Variants in GPC5 observed in about 807,000 individuals in gnomAD.
The protein encoded by GPC5 is glypican 5, also known as glypican-5.
Under a neutral mutation model 53.9 loss-of-function variants are expected in GPC5, and 47 were observed. The ratio of observed to expected loss-of-function variants is 0.87; its 90% CI spans 0.69 to 1.11. The LOEUF (loss-of-function observed/expected upper bound fraction) is 1.11, where lower values mean the gene tolerates loss of function less well. GPC5 is among the 50% of genes most tolerant of loss of function. GPC5 has a pLI of 0.00. For missense variants in GPC5, 748 were observed against 713.1 expected (o/e 1.05, Z -0.56); for synonymous variants, 286 against 263.3 (o/e 1.09, Z -0.84).
chr13:92,324,459 G>A (rs563840298), intron 7 of GPC5, among the ~76,000 whole-genome samples: 3 of 152,010 alleles, frequency 2.0e-5, no homozygotes, highest in East Asian at 1.9e-4. Flanking sequence ...GGTATAGAAT[G>A]TTTGCTGTAG....
At chr13:91,822,829 C>CTA (rs1248207347) in intron 5 of GPC5, among the ~76,000 whole-genome samples, 1 of 152,070 alleles carries the variant, frequency 6.6e-6, no homozygotes, top group Non-Finnish European at 1.5e-5. Context: ...TGCACTCTAT[C>CTA]AATATCACAT....
intron 7 of GPC5, among the ~76,000 whole-genome samples, chr13:92,526,433 A>G (rs1195853498): frequency 6.6e-6 from 1 of 152,092 alleles, no homozygotes; most frequent in Admixed American, 6.6e-5. Flanking sequence ...AAACAGAAAT[A>G]AGTCCAGTGT....
At chr13:92,649,099 C>T (rs1191746090) in intron 7 of GPC5, among the ~76,000 whole-genome samples, 4 of 152,096 alleles carry the variant, frequency 2.6e-5, no homozygotes, top group East Asian at 1.9e-4. Context: ...TCTATTTCCT[C>T]GCTAATCCAA....
intron 7 of GPC5, among the ~76,000 whole-genome samples, chr13:92,502,761 A>G (rs1300920428): frequency 1.3e-5 from 2 of 152,070 alleles, no homozygotes; most frequent in African/African-American, 2.4e-5. Context: ...AGAGATTTCA[A>G]CATTCTTTTC....
chr13:91,876,159 A>T (rs906453407), intron 5 of GPC5, among the ~76,000 whole-genome samples: 6 of 152,162 alleles, frequency 3.9e-5, no homozygotes, highest in Non-Finnish European at 8.8e-5. Flanking sequence ...GTGGAACTGT[A>T]AGTCCACTTA....
At chr13:91,960,993 G>T (rs2040120668) in intron 6 of GPC5, among the ~76,000 whole-genome samples, 1 of 151,836 alleles carries the variant, frequency 6.6e-6, no homozygotes, top group Non-Finnish European at 1.5e-5. Context: ...AAGATTTTAT[G>T]GTTGAGACCT....
intron 7 of GPC5, among the ~76,000 whole-genome samples, chr13:92,808,584 G>A (rs1227505541): frequency 1.3e-5 from 2 of 151,766 alleles, no homozygotes; most frequent in African/African-American, 2.4e-5. Context: ...TCAAATTATG[G>A]CTGACTTAAT....
At chr13:92,711,347 C>G (rs1003286959) in intron 7 of GPC5, among the ~76,000 whole-genome samples, 1 of 152,178 alleles carries the variant, frequency 6.6e-6, no homozygotes, top group Non-Finnish European at 1.5e-5. Flanking sequence ...AACTTGTACA[C>G]TGTCATGGCT....
chr13:92,494,957 A>ACTT (rs1879915056), intron 7 of GPC5, among the ~76,000 whole-genome samples: 1 of 152,178 alleles, frequency 6.6e-6, no homozygotes, highest in Non-Finnish European at 1.5e-5. Context: ...TTTGTGAGAT[A>ACTT]CTTAAAATTT....
intron 7 of GPC5, among the ~76,000 whole-genome samples, chr13:92,601,499 G>A (rs1884052348): frequency 6.8e-6 from 1 of 147,740 alleles, no homozygotes; most frequent in Non-Finnish European, 1.5e-5. Flanking sequence ...AGGTTGCAGG[G>A]AGCCAATATC....
intron 2 of GPC5, among the ~76,000 whole-genome samples, chr13:91,656,486 A>T (rs1345386478): frequency 1.3e-5 from 2 of 152,216 alleles, no homozygotes; most frequent in Non-Finnish European, 2.9e-5. Context: ...GAGTAGGAGA[A>T]CTATGTGTTG....
intron 7 of GPC5, among the ~76,000 whole-genome samples, chr13:92,671,593 G>A (rs866169414): frequency 2.0e-4 from 30 of 152,172 alleles, no homozygotes; most frequent in Admixed American, 2.0e-4. Context: ...AAGTTCTTGA[G>A]CAGCAGTAAT....
chr13:92,392,574 ACTT>A (rs1875056081), intron 7 of GPC5, among the ~76,000 whole-genome samples: 1 of 152,282 alleles, frequency 6.6e-6, no homozygotes, highest in South Asian at 2.1e-4. Context: ...CACCTTAAGA[ACTT>A]CTACACAGCA....
intron 7 of GPC5, among the ~76,000 whole-genome samples, chr13:92,578,083 G>T (rs147834708): frequency 2.0e-5 from 3 of 152,134 alleles, no homozygotes; most frequent in Non-Finnish European, 2.9e-5. Context: ...TTACCATAAG[G>T]TTGGCCATTG....
intron 5 of GPC5, among the ~76,000 whole-genome samples, chr13:91,847,106 CTA>C (rs2038858668): frequency 6.6e-6 from 1 of 151,060 alleles, no homozygotes; most frequent in African/African-American, 2.4e-5. Context: ...GTAGTCCCAG[CTA>C]CTCGGGAGGC....
intron 6 of GPC5, among the ~76,000 whole-genome samples, chr13:92,043,912 T>C (rs548281857): frequency 6.6e-6 from 1 of 152,334 alleles, no homozygotes; most frequent in South Asian, 2.1e-4. Context: ...TTGAATCTTA[T>C]AGGGTACATA....
intron 7 of GPC5, among the ~76,000 whole-genome samples, chr13:92,857,044 C>T (rs1039811436): frequency 6.6e-6 from 1 of 152,026 alleles, no homozygotes; most frequent in African/African-American, 2.4e-5. Flanking sequence ...AAGAACAAAG[C>T]TGGAAGCATG....
chr13:91,700,067 C>T (rs149877158), intron 3 of GPC5, among the ~76,000 whole-genome samples: 16 of 152,098 alleles, frequency 1.1e-4, no homozygotes, highest in African/African-American at 3.9e-4. Context: ...ATATTTCAGC[C>T]TCTGCTGGTA....
intron 6 of GPC5, among the ~76,000 whole-genome samples, chr13:92,022,038 T>C (rs1306482641): frequency 1.3e-5 from 2 of 152,158 alleles, no homozygotes; most frequent in Non-Finnish European, 1.5e-5. Context: ...CTCGGTCTGT[T>C]GCCCAGGCTG....
Sources: allele counts gnomAD v4.1 joint callset (sites outside exome capture counted in the v4.1 genomes callset), GRCh38; gene constraint gnomAD v4.1.1; transcripts MANE v1.5; gene names NCBI Gene and HGNC (gene_info 2026-07-23, HGNC 2026-07-21).